Variants in CAMTA1 observed in about 807,000 individuals in gnomAD.
CAMTA1 encodes calmodulin-binding transcription activator 1.
A neutral mutation model predicts 170.9 loss-of-function variants in CAMTA1; 27 were observed. The observed-to-expected ratio is 0.16, with a 90% confidence interval of 0.12 to 0.22. CAMTA1 has a LOEUF of 0.22. Among genes scored for constraint, CAMTA1 ranks in the 10% least tolerant of loss-of-function variants. The pLI is 1.00. For synonymous variants in CAMTA1, 833 were observed against 891.5 expected (o/e 0.93, Z 1.17); for missense variants, 1,619 against 2,217.2 (o/e 0.73, Z 5.42).
intron 5 of CAMTA1, among the ~76,000 whole-genome samples, chr1:7,417,441 G>T (rs745647554): frequency 6.6e-6 from 1 of 152,092 alleles, no homozygotes; most frequent in Non-Finnish European, 1.5e-5. Context: ...CGAGCTTCCC[G>T]GCTGCTTTGT....
chr1:7,342,442 T>C (rs705680), intron 5 of CAMTA1, among the ~76,000 whole-genome samples: 106,672 of 152,060 alleles, frequency 0.7, 37,696 homozygotes, highest in East Asian at 0.82. Context: ...TGGTTTCCTG[T>C]GTGGGAATTG....
At chr1:7,118,951 G>A (rs924350594) in intron 4 of CAMTA1, among the ~76,000 whole-genome samples, 3 of 152,132 alleles carry the variant, frequency 2.0e-5, no homozygotes, top group East Asian at 1.9e-4. Context: ...GAAGAGTAGC[G>A]TGCGGCATGT....
At chr1:7,669,244 A>G (rs1262832177) in intron 9 of CAMTA1, among the ~76,000 whole-genome samples, 1 of 152,230 alleles carries the variant, frequency 6.6e-6, no homozygotes, top group East Asian at 1.9e-4. Context: ...ATGCAAGAGC[A>G]GGGGTGGAAT....
At chr1:6,804,714 T>C (rs1644313227) in intron 1 of CAMTA1, among the ~76,000 whole-genome samples, 2 of 152,092 alleles carry the variant, frequency 1.3e-5, no homozygotes, top group East Asian at 1.9e-4. Context: ...TTTTTAAAAT[T>C]AAAAAATTTT....
At chr1:7,622,623 G>A (rs543719063) in intron 6 of CAMTA1, among the ~76,000 whole-genome samples, 23 of 152,286 alleles carry the variant, frequency 1.5e-4, no homozygotes, top group African/African-American at 5.1e-4. Flanking sequence ...ATTTGATCTT[G>A]GCCACCAGCA....
intron 5 of CAMTA1, among the ~76,000 whole-genome samples, chr1:7,375,838 C>T (rs2086804113): frequency 6.6e-6 from 1 of 152,256 alleles, no homozygotes; most frequent in South Asian, 2.1e-4. Flanking sequence ...ATAGAGCTGG[C>T]TTCTTCTAAG....
intron 5 of CAMTA1, among the ~76,000 whole-genome samples, chr1:7,315,007 GA>G (rs372790994): frequency 8.5e-5 from 13 of 152,354 alleles, no homozygotes; most frequent in African/African-American, 3.1e-4. Context: ...TAGATTCAGT[GA>G]AAAAGAGAGC....
chr1:7,124,945 A>G (rs1206629830), intron 4 of CAMTA1, among the ~76,000 whole-genome samples: 1 of 152,020 alleles, frequency 6.6e-6, no homozygotes, highest in African/African-American at 2.4e-5. Flanking sequence ...TTGTCGGGGG[A>G]AGTTTTCCCA....
intron 3 of CAMTA1, among the ~76,000 whole-genome samples, chr1:6,862,151 C>T (rs1664955936): frequency 1.3e-5 from 2 of 152,106 alleles, no homozygotes; most frequent in African/African-American, 4.8e-5. Context: ...TTAGTAGAGA[C>T]AGGATTTCAC....
intron 3 of CAMTA1, among the ~76,000 whole-genome samples, chr1:6,870,917 ATTAT>A (rs1418346214): frequency 6.6e-6 from 1 of 152,234 alleles, no homozygotes; most frequent in Non-Finnish European, 1.5e-5. Context: ...GAATACTGAA[ATTAT>A]TTAGTATAAC....
At chr1:6,976,042 A>G (rs932132248) in intron 3 of CAMTA1, among the ~76,000 whole-genome samples, 53 of 152,230 alleles carry the variant, frequency 3.5e-4, no homozygotes, top group African/African-American at 1.3e-3. Context: ...AGCATCTTGA[A>G]TGCTCACTCG....
intron 4 of CAMTA1, among the ~76,000 whole-genome samples, chr1:7,192,328 T>C (rs1654685083): frequency 6.6e-6 from 1 of 152,224 alleles, no homozygotes; most frequent in South Asian, 2.1e-4. Context: ...CTGAAAGCCA[T>C]GACGCTTGGC....
At chr1:7,584,296 G>T (rs2095289021) in intron 6 of CAMTA1, among the ~76,000 whole-genome samples, 1 of 152,094 alleles carries the variant, frequency 6.6e-6, no homozygotes, top group South Asian at 2.1e-4. Context: ...GGAGCAGGGG[G>T]CATCAGGGGA....
At chr1:7,649,174 C>T (rs1046995147) in intron 7 of CAMTA1, among the ~76,000 whole-genome samples, 2 of 152,212 alleles carry the variant, frequency 1.3e-5, no homozygotes, top group East Asian at 1.9e-4. Flanking sequence ...GTGTTGGTGC[C>T]GGCACATGGT....
At chr1:6,904,422 C>T (rs1205155336) in intron 3 of CAMTA1, among the ~76,000 whole-genome samples, 2 of 152,130 alleles carry the variant, frequency 1.3e-5, no homozygotes, top group Non-Finnish European at 2.9e-5. Flanking sequence ...ATTCTTGGCT[C>T]TCTTTTCTTT....
intron 6 of CAMTA1, among the ~76,000 whole-genome samples, chr1:7,480,392 TGA>T (rs763358423): frequency 1.3e-5 from 2 of 151,374 alleles, no homozygotes; most frequent in South Asian, 2.1e-4. Context: ...TGTGCGTATA[TGA>T]GAGTGTGTGT....
At chr1:7,698,677 CA>C (rs2096404948) in intron 11 of CAMTA1, 1 of 152,332 alleles carries the variant, frequency 6.6e-6, no homozygotes, top group Admixed American at 6.5e-5. Context: ...TTGTGATCTG[CA>C]AGGAAAATCC....
chr1:7,351,181 A>C (rs1386202305), intron 5 of CAMTA1, among the ~76,000 whole-genome samples: 1 of 152,230 alleles, frequency 6.6e-6, no homozygotes, highest in African/African-American at 2.4e-5. Context: ...GCATTTTCTC[A>C]GGGAGAGCAT....
chr1:7,563,829 C>T (rs1398554220), intron 6 of CAMTA1, among the ~76,000 whole-genome samples: 1 of 152,178 alleles, frequency 6.6e-6, no homozygotes, highest in Non-Finnish European at 1.5e-5. Context: ...GCCCTGCAAA[C>T]AAAGCAGACC....
Sources: allele counts gnomAD v4.1 joint callset (sites outside exome capture counted in the v4.1 genomes callset), GRCh38; gene constraint gnomAD v4.1.1; transcripts MANE v1.5; gene names NCBI Gene and HGNC (gene_info 2026-07-23, HGNC 2026-07-21).